Variants in ATP8B1 observed in about 807,000 individuals in gnomAD.
ATP8B1 encodes the protein ATPase phospholipid transporting 8B1, also known as phospholipid-transporting ATPase IC.
Under a neutral mutation model 149.9 loss-of-function variants are expected in ATP8B1, and 80 were observed. The ratio of observed to expected loss-of-function variants is 0.53; its 90% CI spans 0.45 to 0.64. The LOEUF is 0.64. Ranked by LOEUF, ATP8B1 falls within the 30% of genes least tolerant of loss-of-function variation. The probability of loss-of-function intolerance (pLI) is 0.00; values close to 1 mark genes in which losing one functional copy is unlikely to be tolerated. For missense variants in ATP8B1, 1,247 were observed against 1,552.6 expected (o/e 0.80, Z 3.31); for synonymous variants, 536 against 562.8 (o/e 0.95, Z 0.67).
intron 3 of ATP8B1, among the ~76,000 whole-genome samples, chr18:57,705,376 T>C (rs780863472): frequency 7.2e-5 from 11 of 152,214 alleles, no homozygotes; most frequent in Non-Finnish European, 1.6e-4. Context: ...GTGGGTTGCA[T>C]TGTGTCCTGC....
Position 57,697,602 on chromosome 18 carries a change from A to T in ATP8B1, c.698+16T>A. 6.2e-7 allele frequency: 1 copy of T among 1,613,206 alleles called. No individual in the cohort carries two copies. Among genetic ancestry groups the T allele is most frequent in the South Asian group, 1.1e-5 (1 of 91,048 alleles). On this transcript the variant is annotated intron_variant, in intron 8 of 27. Transcript: ENST00000648908. ...CAAAGGCCAGCTTTAAATCAGGCCC[A>T]TCGAGACACACTTACCCATCCAGTT...
rs556806766 is a variant in ATP8B1, at chr18:57,646,445, C to G, written c.*2043G>C. The stretch of plus-strand genomic sequence containing the variant: ...AGCCAATTTAAATACTTTAGAAGAT[C>G]ATACTTTTCAAAGATTTTACTAAAT... On this transcript the variant is annotated 3_prime_UTR_variant, in exon 28 of 28. Transcript: ENST00000648908. The G allele has an allele frequency of 6.6e-6, 1 of 151,970 alleles. No individual in the cohort carries two copies. The highest frequency in any genetic ancestry group is 2.1e-4 in the South Asian group (1 of 4,804). The allele number at this position is 151,970 out of a possible 1,614,324, so 9.4% of individuals were successfully genotyped here. A position where few individuals can be genotyped will look rare whatever the true frequency, so the allele number is the denominator to read the frequency against.
At position 57,689,587 on chromosome 18, in the gene ATP8B1, G is replaced by T. The variant is rs1912428948; in HGVS notation, c.1221-1080C>A. On this transcript the variant is annotated intron_variant, in intron 12 of 27. Coordinates refer to ENST00000648908, the MANE Select transcript of ATP8B1 (RefSeq NM_001374385.1). ...TTTCCTAAGTGCCTACTATGTACCA[G>T]ATACCATTCTAGGTGCAGGGGACAT... 1.3e-5 allele frequency among the ~76,000 whole-genome samples: 2 copies of T among 152,156 alleles called. 1 individual carries two copies. Among genetic ancestry groups the T allele is most frequent in the South Asian group, 4.1e-4 (2 of 4,834 alleles).
intron 2 of ATP8B1, chr18:57,731,418 T>C: frequency 1.9e-6 from 1 of 513,658 alleles, no homozygotes; most frequent in South Asian, 2.1e-5. Flanking sequence ...CTGCAGAACT[T>C]GTCAGATATG....
rs1568044513 is a variant in ATP8B1 at position 57,732,337 on chromosome 18, A to ATATATGTG, written c.-25-506_-25-505insCACATATA. ...TGTATATATGTGTATATATGTGTGT[A>ATATATGTG]TATATATGTATATATGTGTATATAT... On this transcript the variant is annotated intron_variant, in intron 1 of 27. Transcript: ENST00000648908. 3.2e-3 allele frequency among the ~76,000 whole-genome samples: 159 copies of ATATATGTG among 49,428 alleles called. 74 individuals are homozygous for ATATATGTG. In the East Asian group the frequency reaches 0.032, roughly 10 times the overall value. 32.4% of individuals were successfully genotyped at this position (49,428 alleles called of 152,430 possible).
chr18:57,667,246 T>A, intron 19 of ATP8B1, 79 bp from the exon 20 acceptor site: 1 of 1,145,936 alleles, frequency 8.7e-7, no homozygotes, highest in Non-Finnish European at 1.3e-6. Flanking sequence ...AGACAGCATC[T>A]CACTCCCACT....
intron 20 of ATP8B1, among the ~76,000 whole-genome samples, chr18:57,662,858 A>G (rs1344685754): frequency 6.6e-6 from 1 of 152,096 alleles, no homozygotes; most frequent in Non-Finnish European, 1.5e-5. Flanking sequence ...GCCTCAAGTG[A>G]TTCTCCTGCC....
intron 8 of ATP8B1, 66 bp downstream of exon 8, chr18:57,697,552 G>T (rs894324890): frequency 1.3e-6 from 2 of 1,546,900 alleles, no homozygotes; most frequent in South Asian, 2.2e-5. Context: ...ACAATGCCCC[G>T]ATTTCAGTGG....
chr18:57,700,941 T>C (rs528181083), intron 6 of ATP8B1, 98 bp downstream of exon 6: 1 of 1,266,408 alleles, frequency 7.9e-7, no homozygotes, highest in East Asian at 2.3e-5. Flanking sequence ...GTTAATGTAC[T>C]AATAGCCTTC....
chr18:57,668,231 C>A, intron 19 of ATP8B1, 198 bp downstream of exon 19: 1 of 1,426,194 alleles, frequency 7.0e-7, no homozygotes, highest in Non-Finnish European at 9.3e-7. Flanking sequence ...GAAGAAACTG[C>A]TACTGAGGGG....
At chr18:57,777,437 A>AAT (rs1257818817) in intron 1 of ATP8B1, among the ~76,000 whole-genome samples, 1 of 152,256 alleles carries the variant, frequency 6.6e-6, no homozygotes, top group East Asian at 1.9e-4. Flanking sequence ...AAGAAACATG[A>AAT]ATATATATGT....
In ATP8B1 at chr18:57,650,411, TGGCAACGACG is replaced by T; in HGVS notation, c.3477_3486del (p.Val1160PhefsTer6). 6.2e-7 allele frequency: 1 copy of T among 1,613,982 alleles called. No individual in the cohort carries two copies. The highest frequency in any genetic ancestry group is 8.5e-7 in the Non-Finnish European group (1 of 1,179,896). On this transcript the variant is annotated frameshift_variant, in exon 27 of 28. Coordinates refer to ENST00000648908, the MANE Select transcript of ATP8B1 (RefSeq NM_001374385.1). LOFTEE classifies it high-confidence loss of function. Reference sequence around the variant, plus strand: ...CAGATGGTCATTGACAGGAATCGAATGGCAACGACGGGTAGTAAGCACACAGCAACAGCCA... The same window carrying T: ...CAGATGGTCATTGACAGGAATCGAATGGTAGTAAGCACACAGCAACAGCCA...
Position 57,803,022 on chromosome 18 carries a change from G to C in ATP8B1, c.-50C>G, listed in dbSNP as rs535150447. ...CCTGGCGTTCGCTGGGCCCCGGCTG[G>C]GGCATCCGCCTGGTGCGCGCCGCTC... On this transcript the variant is annotated 5_prime_UTR_variant, in exon 1 of 28. Coordinates refer to ENST00000648908, the MANE Select transcript of ATP8B1 (RefSeq NM_001374385.1). The C allele has an allele frequency of 6.6e-6, 1 of 152,100 alleles. No individual in the cohort carries two copies. The highest frequency in any genetic ancestry group is 2.1e-4 in the South Asian group (1 of 4,838). The allele number at this position is 152,100 out of a possible 1,614,324, so 9.4% of individuals were successfully genotyped here. A position where few individuals can be genotyped will look rare whatever the true frequency, so the allele number is the denominator to read the frequency against.
intron 2 of ATP8B1, among the ~76,000 whole-genome samples, chr18:57,728,883 C>T (rs1175197187): frequency 6.6e-6 from 1 of 151,854 alleles, no homozygotes; most frequent in South Asian, 2.1e-4. Context: ...CCATGCCGGG[C>T]TAATTTTTGT....
chr18:57,672,885 AGTATATATATATATATAT>A (rs1911298182), intron 16 of ATP8B1, among the ~76,000 whole-genome samples: 2 of 23,362 alleles, frequency 8.6e-5, no homozygotes, highest in African/African-American at 2.7e-4. Context: ...AAAAAAAAAA[AGTATATATATATATATAT>A]ATATATATAT....
chr18:57,669,189 T>C (rs1238287181), intron 18 of ATP8B1, 129 bp downstream of exon 18: 12 of 972,712 alleles, frequency 1.2e-5, no homozygotes, highest in African/African-American at 1.7e-5. Context: ...CCTTCTTCCA[T>C]TGTGCCAGTG....
chr18:57,716,137 A>G (rs1167226026), intron 2 of ATP8B1, among the ~76,000 whole-genome samples: 1 of 152,092 alleles, frequency 6.6e-6, no homozygotes, highest in Admixed American at 6.6e-5. Flanking sequence ...GCTTAAAATA[A>G]TGAGTTATTA....
At chr18:57,666,170 C>T (rs1910844366) in intron 20 of ATP8B1, among the ~76,000 whole-genome samples, 1 of 152,122 alleles carries the variant, frequency 6.6e-6, no homozygotes, top group African/African-American at 2.4e-5. Context: ...AACTGTCAGG[C>T]CATCAGTAAA....
chr18:57,653,358 C>T (rs1336525234), intron 24 of ATP8B1, among the ~76,000 whole-genome samples: 1 of 147,120 alleles, frequency 6.8e-6, no homozygotes, highest in Non-Finnish European at 1.5e-5. Flanking sequence ...AAACACAACT[C>T]ACTGCAGCTT....
Sources: allele counts gnomAD v4.1 joint callset (sites outside exome capture counted in the v4.1 genomes callset), GRCh38; gene constraint gnomAD v4.1.1; transcripts MANE v1.5; gene names NCBI Gene and HGNC (gene_info 2026-07-23, HGNC 2026-07-21).